DMD: variants seen among roughly 807,000 people sequenced by gnomAD.
DMD encodes the protein mutant dystrophin.
DMD carries 63 observed loss-of-function variants against 330.1 expected under a neutral mutation model. The observed-to-expected ratio is 0.19, with a 90% CI of 0.16 to 0.24. The LOEUF (loss-of-function observed/expected upper bound fraction) is 0.24, where lower values mean the gene tolerates loss of function less well. Among genes scored for constraint, DMD ranks in the 10% least tolerant of loss-of-function variants. The pLI is 1.00. For synonymous variants in DMD, 1,223 were observed against 959.8 expected (o/e 1.27, Z -5.07); for missense variants, 3,344 against 2,684.1 (o/e 1.25, Z -5.43).
At chrX:33,245,203 A>G (rs1306042152) in intron 1 of DMD, among the ~76,000 whole-genome samples, 3 of 110,781 alleles carry the variant, frequency 2.7e-5, no homozygotes, top group Non-Finnish European at 5.7e-5. Context: ...AAACTAATGC[A>G]TTTCAATAAG....
chrX:31,272,906 C>G (rs749469367), intron 62 of DMD, among the ~76,000 whole-genome samples: 2 of 112,038 alleles, frequency 1.8e-5, no homozygotes, highest in South Asian at 7.5e-4. Context: ...TTTCTTTCTA[C>G]CTGACACTCA....
chrX:33,338,141 G>T (rs1400880769), intron 1 of DMD, among the ~76,000 whole-genome samples: 1 of 111,492 alleles, frequency 9.0e-6, no homozygotes, highest in Non-Finnish European at 1.9e-5. Flanking sequence ...TGTTTTATTT[G>T]CTTGTTACCC....
intron 29 of DMD, among the ~76,000 whole-genome samples, chrX:32,426,467 T>A (rs190955122): frequency 0.015 from 1,696 of 111,211 alleles, 15 homozygotes; most frequent in South Asian, 0.065. Context: ...ATTATTAAAA[T>A]GTCAAAAAAT....
chrX:32,888,058 CAG>C (rs1255946997), intron 2 of DMD, among the ~76,000 whole-genome samples: 2 of 110,416 alleles, frequency 1.8e-5, no homozygotes, highest in Non-Finnish European at 3.8e-5. Context: ...AGGACCTCAA[CAG>C]ACTTTTTTTT....
intron 54 of DMD, among the ~76,000 whole-genome samples, chrX:31,637,925 G>A (rs1157436152): frequency 1.8e-5 from 2 of 111,486 alleles, no homozygotes; most frequent in African/African-American, 6.5e-5. Flanking sequence ...CTTTGCAAAT[G>A]TACAGATATT....
intron 57 of DMD, among the ~76,000 whole-genome samples, chrX:31,479,598 T>C (rs1388564209): frequency 8.9e-6 from 1 of 112,145 alleles, no homozygotes; most frequent in Non-Finnish European, 1.9e-5. Flanking sequence ...TCTGACAAGG[T>C]ATAAAATAGG....
chrX:31,233,409 C>G (rs1317528621), intron 63 of DMD, among the ~76,000 whole-genome samples: 2 of 111,894 alleles, frequency 1.8e-5, no homozygotes, highest in African/African-American at 6.5e-5. Context: ...AAATTTTCCT[C>G]TTTGTTATAA....
Position 31,228,415 on chromosome X carries a change from G to C in DMD, c.9287-5294C>G, listed in dbSNP as rs760609502. Among the ~76,000 whole-genome samples the C allele has an allele frequency of 7.2e-5, 8 of 110,945 alleles. No individual in the cohort carries two copies. In the South Asian group the frequency reaches 3.1e-3, roughly 43 times the overall value. ...TGCCCTACAAGTCTACTACTCAAGAGAGTTAACTGCCTGTGTTGTTTGAGT... is the reference window on the plus strand; with the variant it reads ...TGCCCTACAAGTCTACTACTCAAGACAGTTAACTGCCTGTGTTGTTTGAGT... On this transcript the variant is annotated intron_variant, in intron 63 of 78. Transcript: ENST00000357033.
At chrX:33,289,543 G>A (rs1460258765) in intron 1 of DMD, among the ~76,000 whole-genome samples, 2 of 111,396 alleles carry the variant, frequency 1.8e-5, no homozygotes, top group Admixed American at 9.6e-5. Flanking sequence ...ATTCTTTTAG[G>A]TGGTGTTTCA....
At chrX:31,317,582 G>A (rs2056116791) in intron 62 of DMD, among the ~76,000 whole-genome samples, 1 of 102,237 alleles carries the variant, frequency 9.8e-6, no homozygotes, top group African/African-American at 3.7e-5. Context: ...GCGCGATCTC[G>A]TCCACTGCAT....
chrX:31,413,175 G>T (rs968360028), intron 60 of DMD, among the ~76,000 whole-genome samples: 1 of 111,932 alleles, frequency 8.9e-6, no homozygotes, highest in African/African-American at 3.2e-5. Flanking sequence ...GAACATTTGT[G>T]AATTTCATTA....
intron 62 of DMD, among the ~76,000 whole-genome samples, chrX:31,304,492 T>G (rs747540617): frequency 9.1e-6 from 1 of 110,192 alleles, no homozygotes; most frequent in African/African-American, 3.3e-5. Flanking sequence ...CTTTATAGTC[T>G]TAGATAGATC....
intron 60 of DMD, among the ~76,000 whole-genome samples, chrX:31,380,429 A>G (rs371017389): frequency 1.7e-4 from 19 of 109,506 alleles, no homozygotes; most frequent in Admixed American, 2.9e-4. Flanking sequence ...CTTAGCGACC[A>G]ATCATGCACC....
intron 7 of DMD, among the ~76,000 whole-genome samples, chrX:32,786,656 A>T (rs2075382975): frequency 8.9e-6 from 1 of 112,078 alleles, no homozygotes; most frequent in African/African-American, 3.2e-5. Flanking sequence ...ATTAAAAACA[A>T]ACCCAATTAG....
At chrX:31,623,768 T>A (rs1335398611) in intron 55 of DMD, among the ~76,000 whole-genome samples, 1 of 110,867 alleles carries the variant, frequency 9.0e-6, no homozygotes. Flanking sequence ...ATGACCCAGA[T>A]CACAGATGAA....
intron 1 of DMD, among the ~76,000 whole-genome samples, chrX:33,113,374 C>T (rs2095355954): frequency 9.0e-6 from 1 of 111,268 alleles, no homozygotes; most frequent in Non-Finnish European, 1.9e-5. Context: ...TACTTTCGAT[C>T]TCAAGACTGG....
intron 1 of DMD, among the ~76,000 whole-genome samples, chrX:33,190,881 T>A (rs13441184): frequency 1.5e-3 from 2 of 1,354 alleles, no homozygotes; most frequent in Admixed American, 0.018. Context: ...ATATATATAA[T>A]ATATAATATT....
intron 20 of DMD, among the ~76,000 whole-genome samples, chrX:32,489,912 A>G (rs1306058764): frequency 8.9e-6 from 1 of 111,996 alleles, no homozygotes; most frequent in Admixed American, 9.5e-5. Context: ...GTATTTGCCT[A>G]ACAAGTCAAG....
intron 56 of DMD, among the ~76,000 whole-genome samples, chrX:31,498,723 T>G (rs2070109254): frequency 8.9e-6 from 1 of 111,924 alleles, no homozygotes; most frequent in Non-Finnish European, 1.9e-5. Flanking sequence ...CTTTCTATAA[T>G]TGCAGTATAA....
Sources: gnomAD v4.1 joint callset for allele counts (sites outside exome capture counted in the v4.1 genomes callset) on GRCh38, gnomAD v4.1.1 for gene constraint, MANE v1.5 for transcripts, NCBI Gene and HGNC (gene_info 2026-07-23, HGNC 2026-07-21) for gene names.